The following TUSC3 variants were observed in gnomAD, a reference collection of about 807,000 sequenced individuals.
TUSC3 encodes tumor suppressor candidate 3, also known as dolichyl-diphosphooligosaccharide--protein glycosyltransferase subunit TUSC3.
TUSC3 carries 45 observed loss-of-function variants against 44.8 expected under a neutral mutation model. The ratio of observed to expected loss-of-function variants is 1.00; its 90% CI spans 0.79 to 1.29. TUSC3 has a LOEUF of 1.29. Among genes scored for constraint, TUSC3 ranks in the 50% most tolerant of loss-of-function variants. The pLI is 0.00. For missense variants in TUSC3, 519 were observed against 437.9 expected, an observed-to-expected ratio of 1.19 and a Z score of -1.65; for synonymous variants, 212 against 152.9, an observed-to-expected ratio of 1.39 and a Z score of -2.85.
intron 6 of TUSC3, among the ~76,000 whole-genome samples, chr8:15,678,586 C>T (rs12675600): frequency 0.47 from 71,082 of 151,998 alleles, 16,860 homozygotes; most frequent in Non-Finnish European, 0.51. Flanking sequence ...GAAAAATGTA[C>T]GCATATTTAA....
intron 2 of TUSC3, among the ~76,000 whole-genome samples, chr8:15,492,646 C>T (rs1800823652): frequency 6.6e-6 from 1 of 151,896 alleles, no homozygotes; most frequent in Non-Finnish European, 1.5e-5. Flanking sequence ...TTTAAAATGT[C>T]ACGTAACAGG....
intron 2 of TUSC3, among the ~76,000 whole-genome samples, chr8:15,525,607 A>G (rs375663092): frequency 4.6e-5 from 7 of 152,230 alleles, no homozygotes; most frequent in African/African-American, 1.7e-4. Flanking sequence ...AAGTTTGAGA[A>G]CTGCTGTAGT....
rs997478706 is a variant in TUSC3, at chr8:15,540,391, G to C, written c.-40G>C. 29 of 1,517,798 alleles carry C rather than the reference G, an allele frequency of 1.9e-5. 1 individual carries two copies. The Admixed American group carries it at 2.7e-4, about 14-fold the overall frequency. The allele number at this position is 1,517,798 out of a possible 1,614,324, so 94.0% of individuals were successfully genotyped here. The stretch of plus-strand genomic sequence containing the variant: ...GTGGTGCGCGGTAGGAGCTGGGCGC[G>C]CACGGCTACCGCGCGTGGAGGAGAC... On this transcript the variant is annotated 5_prime_UTR_variant, in exon 1 of 11. Transcript: ENST00000503731.
chr8:15,675,230 C>A (rs1320430077), intron 6 of TUSC3, among the ~76,000 whole-genome samples: 1 of 152,108 alleles, frequency 6.6e-6, no homozygotes, highest in Non-Finnish European at 1.5e-5. Context: ...GTGTTAATGA[C>A]ACTTAACGTT....
chr8:15,685,252 C>T (rs902140324), intron 6 of TUSC3, among the ~76,000 whole-genome samples: 27 of 152,008 alleles, frequency 1.8e-4, no homozygotes, highest in African/African-American at 6.3e-4. Context: ...AGTGTGCTGC[C>T]GAAATTCCTT....
intron 1 of TUSC3, among the ~76,000 whole-genome samples, chr8:15,582,339 T>G (rs1803401759): frequency 6.6e-6 from 1 of 152,154 alleles, no homozygotes; most frequent in African/African-American, 2.4e-5. Flanking sequence ...GCTTTTTCTG[T>G]GAAGGTGTAA....
At chr8:15,762,011 A>G (rs1002463541) in intron 10 of TUSC3, among the ~76,000 whole-genome samples, 9 of 152,046 alleles carry the variant, frequency 5.9e-5, no homozygotes, top group Non-Finnish European at 1.0e-4. Flanking sequence ...ATATCAATAT[A>G]AAACATTCAT....
intron 6 of TUSC3, among the ~76,000 whole-genome samples, chr8:15,711,747 G>C (rs1157494659): frequency 6.6e-6 from 1 of 151,738 alleles, no homozygotes; most frequent in Non-Finnish European, 1.5e-5. Flanking sequence ...TATCCATAAA[G>C]ATAATGCTAT....
In TUSC3 at chr8:15,587,955, C is replaced by T. The variant is rs114985778; in HGVS notation, c.139-35125C>T. The stretch of plus-strand genomic sequence containing the variant: ...ATATATATGCTACATTTTCTTTATC[C>T]GTTTATCTGTTGGTAGACATTTAGA... On this transcript the variant is annotated intron_variant, in intron 1 of 10. Transcript: ENST00000503731. Among the ~76,000 whole-genome samples, 447 of 152,038 alleles carry T rather than the reference C, an allele frequency of 2.9e-3. 2 individuals carry two copies. Among genetic ancestry groups the T allele is most frequent in the African/African-American group, 0.01 (435 of 41,500 alleles).
the TUSC3 span, among the ~76,000 whole-genome samples, chr8:15,842,944 T>C: frequency 1.3e-5 from 2 of 152,216 alleles, no homozygotes; most frequent in African/African-American, 4.8e-5. Flanking sequence ...GTGTTCACAT[T>C]GTTTTTTGAC....
At chr8:15,554,768 A>AT (rs575644013) in intron 1 of TUSC3, among the ~76,000 whole-genome samples, 4,099 of 146,418 alleles carry the variant, frequency 0.028, 191 homozygotes, top group African/African-American at 0.095. Context: ...CGCCCGGCTA[A>AT]TTTTTTTTTT....
intron 1 of TUSC3, among the ~76,000 whole-genome samples, chr8:15,576,193 C>T (rs1468803502): frequency 2.7e-5 from 4 of 147,028 alleles, no homozygotes; most frequent in Non-Finnish European, 6.0e-5. Context: ...ATTATTAGTT[C>T]ACTAGTTGAT....
At chr8:15,826,889 A>C in the TUSC3 span, among the ~76,000 whole-genome samples, 1 of 152,090 alleles carries the variant, frequency 6.6e-6, no homozygotes, top group Non-Finnish European at 1.5e-5. Flanking sequence ...ACCTGATTGG[A>C]GCTGGGTTGG....
intron 9 of TUSC3, chr8:15,748,801 A>C (rs775371309): frequency 7.8e-6 from 4 of 510,132 alleles, no homozygotes; most frequent in Non-Finnish European, 1.6e-5. Context: ...TTGTTTTCTC[A>C]TATAATTCAC....
Position 15,659,510 on chromosome 8 carries a change from A to C in TUSC3, c.430A>C (p.Asn144His). The C allele has an allele frequency of 6.2e-7, 1 of 1,612,402 alleles. No individual in the cohort carries two copies. The highest frequency in any genetic ancestry group is 8.5e-7 in the Non-Finnish European group (1 of 1,179,514). The change falls in exon 4 of 11, where the codon AAC becomes CAC. Residue 144 changes from asparagine (N) to histidine (H), a missense_variant. By Grantham distance (68) the Asn-to-His change is moderately conservative. Transcript: ENST00000503731. ...DEGTDVFQQL[N>H]MNSAPTFMHF... The stretch of plus-strand genomic sequence containing the variant: ...ATTTTTTTCTCATGTTTTACAGCTC[A>C]ACATGAACTCTGCTCCTACATTCAT...
At chr8:15,498,787 A>G (rs779384029) in intron 2 of TUSC3, among the ~76,000 whole-genome samples, 5 of 152,218 alleles carry the variant, frequency 3.3e-5, no homozygotes, top group Middle Eastern at 3.4e-3. Context: ...CCCAGTTGAC[A>G]TGTAGAGACT....
intron 6 of TUSC3, among the ~76,000 whole-genome samples, chr8:15,692,345 G>A (rs937376713): frequency 3.4e-5 from 4 of 119,232 alleles, no homozygotes; most frequent in Admixed American, 9.3e-5. Context: ...CATAGAATGA[G>A]TTTGGGAGGA....
At chr8:15,757,078 A>G (rs1811956779) in intron 9 of TUSC3, among the ~76,000 whole-genome samples, 1 of 152,146 alleles carries the variant, frequency 6.6e-6, no homozygotes, top group African/African-American at 2.4e-5. Context: ...TGAGGCTGCA[A>G]GTGAGCTATG....
chr8:15,619,805 C>T (rs1021030495), intron 1 of TUSC3, among the ~76,000 whole-genome samples: 2 of 152,038 alleles, frequency 1.3e-5, no homozygotes, highest in Admixed American at 6.6e-5. Flanking sequence ...CCACCGTGCC[C>T]GGCCTATTCC....
Sources: allele counts gnomAD v4.1 joint callset (sites outside exome capture counted in the v4.1 genomes callset), GRCh38; gene constraint gnomAD v4.1.1; transcripts MANE v1.5; gene names NCBI Gene and HGNC (gene_info 2026-07-23, HGNC 2026-07-21).